Variants in CWC27 observed in about 807,000 individuals in gnomAD.
The protein encoded by CWC27 is spliceosome-associated protein CWC27 homolog.
CWC27 carries 47 observed loss-of-function variants against 63.6 expected under a neutral mutation model. The ratio of observed to expected loss-of-function variants is 0.74; its 90% CI spans 0.58 to 0.94. CWC27 has a LOEUF of 0.94. Ranked by LOEUF, CWC27 falls within the 40% of genes least tolerant of loss-of-function variation. The pLI is 0.00. For missense variants in CWC27, 495 were observed against 554.3 expected, an observed-to-expected ratio of 0.89 and a Z score of 1.07; for synonymous variants, 175 against 179.8, an observed-to-expected ratio of 0.97 and a Z score of 0.22.
At chr5:64,861,909 G>T (rs564687184) in intron 10 of CWC27, among the ~76,000 whole-genome samples, 1 of 152,106 alleles carries the variant, frequency 6.6e-6, no homozygotes, top group African/African-American at 2.4e-5. Context: ...ATATGATAAC[G>T]ATTTTAATAC....
intron 10 of CWC27, among the ~76,000 whole-genome samples, chr5:64,854,937 C>A (rs552177182): frequency 2.2e-4 from 34 of 151,944 alleles, no homozygotes; most frequent in Non-Finnish European, 4.4e-4. Context: ...TTTTGAAGTT[C>A]TTTTTTGAAA....
intron 13 of CWC27, among the ~76,000 whole-genome samples, chr5:64,985,184 A>G (rs931386568): frequency 6.6e-6 from 1 of 152,158 alleles, no homozygotes; most frequent in Non-Finnish European, 1.5e-5. Flanking sequence ...CAACAGATTT[A>G]TGGTAAATTT....
At chr5:64,921,573 T>G (rs1441695841) in intron 11 of CWC27, among the ~76,000 whole-genome samples, 1 of 152,202 alleles carries the variant, frequency 6.6e-6, no homozygotes, top group Non-Finnish European at 1.5e-5. Context: ...ATAGGTCTCT[T>G]GAAGGCAGCA....
chr5:64,997,660 A>AT (rs1228568886), intron 13 of CWC27, among the ~76,000 whole-genome samples: 3 of 151,992 alleles, frequency 2.0e-5, no homozygotes, highest in African/African-American at 7.2e-5. Context: ...GAGTTTTGAT[A>AT]TTTTTTCAGT....
intron 11 of CWC27, among the ~76,000 whole-genome samples, chr5:64,908,231 T>G (rs566803156): frequency 1.3e-5 from 2 of 152,352 alleles, no homozygotes; most frequent in South Asian, 4.1e-4. Context: ...CTAATTTGAT[T>G]GCACTGTGGT....
chr5:64,913,657 A>G (rs1413720461), intron 11 of CWC27, among the ~76,000 whole-genome samples: 12 of 152,120 alleles, frequency 7.9e-5, no homozygotes, highest in Admixed American at 6.5e-4. Flanking sequence ...ATACAGACAT[A>G]CAAGACACAG....
intron 10 of CWC27, among the ~76,000 whole-genome samples, chr5:64,819,278 C>A (rs1349992297): frequency 2.0e-5 from 3 of 151,984 alleles, no homozygotes; most frequent in African/African-American, 7.2e-5. Context: ...CTTAATAATA[C>A]CTGGGTGATG....
intron 10 of CWC27, among the ~76,000 whole-genome samples, chr5:64,823,993 G>A (rs944222990): frequency 1.3e-5 from 2 of 151,998 alleles, no homozygotes; most frequent in African/African-American, 2.4e-5. Flanking sequence ...CAACCTCATA[G>A]AACAAAAATA....
At chr5:64,940,847 T>C (rs1181087050) in intron 11 of CWC27, among the ~76,000 whole-genome samples, 4,621 of 127,712 alleles carry the variant, frequency 0.036, 89 homozygotes, top group African/African-American at 0.13. Flanking sequence ...TCTTTCTTTT[T>C]TTTTTTTTTT....
At chr5:64,941,551 AT>A (rs1748480527) in intron 11 of CWC27, among the ~76,000 whole-genome samples, 1 of 152,192 alleles carries the variant, frequency 6.6e-6, no homozygotes, top group Admixed American at 6.5e-5. Flanking sequence ...TACAGAAAAA[AT>A]TTATCATAAA....
intron 10 of CWC27, among the ~76,000 whole-genome samples, chr5:64,877,835 T>C (rs1046940009): frequency 2.7e-5 from 4 of 148,958 alleles, no homozygotes; most frequent in Admixed American, 2.7e-4. Context: ...TTGATAATTC[T>C]ATTATTTTCT....
intron 13 of CWC27, among the ~76,000 whole-genome samples, chr5:64,981,781 CAG>C (rs1156693118): frequency 1.3e-5 from 2 of 151,780 alleles, no homozygotes; most frequent in Non-Finnish European, 2.9e-5. Flanking sequence ...AAAATAAAAA[CAG>C]TGTGGTTTGC....
intron 11 of CWC27, among the ~76,000 whole-genome samples, chr5:64,926,088 A>T (rs1483073102): frequency 6.6e-6 from 1 of 152,172 alleles, no homozygotes; most frequent in African/African-American, 2.4e-5. Flanking sequence ...ATTTTAAAAG[A>T]CATTTTTCTG....
chr5:64,875,945 A>G (rs1746783042), intron 10 of CWC27, among the ~76,000 whole-genome samples: 1 of 152,062 alleles, frequency 6.6e-6, no homozygotes, highest in Non-Finnish European at 1.5e-5. Flanking sequence ...ATTTCCATAG[A>G]ATCTTAGTTC....
chr5:64,876,920 C>T (rs1746806585), intron 10 of CWC27, among the ~76,000 whole-genome samples: 1 of 151,948 alleles, frequency 6.6e-6, no homozygotes, highest in Admixed American at 6.6e-5. Flanking sequence ...TTTTAAAAAA[C>T]TACTTCAATC....
At chr5:65,018,002 G>A (rs538372651) in intron 13 of CWC27, among the ~76,000 whole-genome samples, 157 bp from the exon 14 acceptor site, 1 of 152,336 alleles carries the variant, frequency 6.6e-6, no homozygotes, top group South Asian at 2.1e-4. Context: ...GGTTTTCTGA[G>A]AAGTTGGTTT....
chr5:64,828,059 C>T (rs1255004498), intron 10 of CWC27, among the ~76,000 whole-genome samples: 1 of 152,128 alleles, frequency 6.6e-6, no homozygotes, highest in Non-Finnish European at 1.5e-5. Context: ...GTTTTATCCA[C>T]TGGGAGTCTT....
At chr5:64,988,923 G>T (rs899559313) in intron 13 of CWC27, among the ~76,000 whole-genome samples, 4 of 152,120 alleles carry the variant, frequency 2.6e-5, no homozygotes, top group Admixed American at 1.3e-4. Flanking sequence ...TTTTAGTTAA[G>T]TTCTCAGAGT....
At chr5:64,831,416 C>T (rs1745512915) in intron 10 of CWC27, among the ~76,000 whole-genome samples, 1 of 151,036 alleles carries the variant, frequency 6.6e-6, no homozygotes, top group Non-Finnish European at 1.5e-5. Context: ...AGTTTTTGGC[C>T]TCAGGACCCT....
Sources: allele counts gnomAD v4.1 joint callset (sites outside exome capture counted in the v4.1 genomes callset), GRCh38; gene constraint gnomAD v4.1.1; transcripts MANE v1.5; gene names NCBI Gene and HGNC (gene_info 2026-07-23, HGNC 2026-07-21).